Variants in PHF3 observed in about 807,000 individuals in gnomAD.
The protein encoded by PHF3 is PHD finger protein 3.
In PHF3, 41 loss-of-function variants were observed where a neutral mutation model predicts 178.4. The ratio of observed to expected loss-of-function variants is 0.23; its 90% CI spans 0.18 to 0.30. PHF3 has a LOEUF of 0.30. PHF3 is among the 10% of genes least tolerant of loss of function. The pLI is 1.00. For synonymous variants in PHF3, 842 were observed against 800.5 expected (o/e 1.05, Z -0.88); for missense variants, 2,346 against 2,398.1 (o/e 0.98, Z 0.45).
rs1159857170 is a variant in PHF3 at position 63,712,941 on chromosome 6, A to G, written c.5353A>G (p.Arg1785Gly). Residue 1785 changes from arginine to glycine, a missense_variant, in exon 16 of 16, where the codon AGA becomes GGA. This residue lies in a region of PHF3 where 839 missense variants were observed against 806.9 expected (regional missense o/e 1.04). Transcript: ENST00000262043. ...FPSKSITFTS[R>G]STSPRTSTNF... Reference sequence around the variant, plus strand: ...TTCTAAAAGCATCACCTTTACTTCCAGAAGCACCAGCCCCAGAACAAGTAC... The same window carrying G: ...TTCTAAAAGCATCACCTTTACTTCCGGAAGCACCAGCCCCAGAACAAGTAC... The G allele has an allele frequency of 6.2e-7, 1 of 1,613,934 alleles. No homozygotes were observed. The highest frequency in any genetic ancestry group is 8.5e-7 in the Non-Finnish European group (1 of 1,179,986).
intron 2 of PHF3, among the ~76,000 whole-genome samples, chr6:63,652,394 T>TTTG (rs915200395): frequency 2.4e-4 from 36 of 152,158 alleles, no homozygotes; most frequent in African/African-American, 8.4e-4. Flanking sequence ...GGATTGCTTT[T>TTTG]TTGTTGTTGT....
chr6:63,658,960 T>A (rs180717145), intron 2 of PHF3, among the ~76,000 whole-genome samples: 210 of 152,244 alleles, frequency 1.4e-3, no homozygotes, highest in African/African-American at 4.6e-3. Flanking sequence ...CATTTTTGTC[T>A]CTGAAGACCT....
intron 8 of PHF3, among the ~76,000 whole-genome samples, chr6:63,699,386 G>A (rs946442608): frequency 1.3e-5 from 2 of 152,142 alleles, no homozygotes; most frequent in African/African-American, 2.4e-5. Flanking sequence ...CAACCTTTTT[G>A]CATAAAAGGT....
intron 2 of PHF3, among the ~76,000 whole-genome samples, chr6:63,678,583 CT>C (rs879702087): frequency 1.0e-3 from 149 of 144,656 alleles, no homozygotes; most frequent in East Asian, 1.2e-3. Flanking sequence ...TTCTGCCAAT[CT>C]TTTTTTTTTT....
chr6:63,636,233 G>GGGCCTCTCCGCCCCTCCCGCGGC (rs1764324835), intron 1 of PHF3, 83 bp downstream of exon 1: 1 of 316,922 alleles, frequency 3.2e-6, no homozygotes, highest in Non-Finnish European at 5.7e-6. Context: ...GCGCCTCCGC[G>GGGCCTCTCCGCCCCTCCCGCGGC]GGCCTCTCCG....
At chr6:63,670,393 C>A (rs1765863477) in intron 2 of PHF3, among the ~76,000 whole-genome samples, 1 of 152,148 alleles carries the variant, frequency 6.6e-6, no homozygotes, top group Non-Finnish European at 1.5e-5. Context: ...CTCAACCTCC[C>A]AAGTAGCTGG....
intron 2 of PHF3, among the ~76,000 whole-genome samples, chr6:63,673,409 A>G (rs896927515): frequency 1.3e-5 from 2 of 152,092 alleles, no homozygotes; most frequent in Non-Finnish European, 2.9e-5. Flanking sequence ...CAGGATAACC[A>G]TAGGAGAAAA....
chr6:63,664,645 A>G (rs974498177), intron 2 of PHF3, among the ~76,000 whole-genome samples: 1 of 152,136 alleles, frequency 6.6e-6, no homozygotes, highest in Non-Finnish European at 1.5e-5. Context: ...ATTATTAACT[A>G]AAATTATTAG....
chr6:63,685,928 G>T lies in PHF3; in HGVS notation c.2189+17G>T. On this transcript the variant is annotated intron_variant, in intron 4 of 15. Transcript: ENST00000262043. ...TGGCAACAGGTGTGTGTGTATGTGT[G>T]TATGAGTGATGTGTACATTGAAAAT... 1 of 1,558,710 alleles carries T rather than the reference G, an allele frequency of 6.4e-7. No homozygotes were observed.
At chr6:63,673,286 A>G (rs1390014191) in intron 2 of PHF3, among the ~76,000 whole-genome samples, 1 of 152,110 alleles carries the variant, frequency 6.6e-6, no homozygotes, top group African/African-American at 2.4e-5. Flanking sequence ...CTGCTTAAGT[A>G]TTTTTTGTTT....
At chr6:63,702,145 ATAGTTCC>A in intron 9 of PHF3, 1 of 156,008 alleles carries the variant, frequency 6.4e-6, no homozygotes, top group East Asian at 1.9e-4. Flanking sequence ...TAAGAGCAAA[ATAGTTCC>A]TATTTCCCTG....
Position 63,712,515 on chromosome 6 carries a change from C to G in PHF3, c.4927C>G (p.Pro1643Ala), listed in dbSNP as rs1767993277. 1.2e-6 allele frequency: 2 copies of G among 1,613,618 alleles called. No homozygotes were observed. Among genetic ancestry groups the G allele is most frequent in the African/African-American group, 2.7e-5 (2 of 74,836 alleles). Residue 1643 changes from proline (P) to alanine (A), a missense_variant, in exon 16 of 16, where the codon CCA becomes GCA. This residue lies in a region of PHF3 where 839 missense variants were observed against 806.9 expected (regional missense o/e 1.04). Transcript: ENST00000262043. ...CCTTGTTGCTAATACAGCGAGGTCTCCACAGTTTATCAACCTGAAAAGGGA... is the reference window on the plus strand; with the variant it reads ...CCTTGTTGCTAATACAGCGAGGTCTGCACAGTTTATCAACCTGAAAAGGGA... The part of the protein sequence containing the change: ...ENLVANTARS[P>A]QFINLKRDPR...
chr6:63,684,683 G>A lies in PHF3; in HGVS notation c.961G>A (p.Asp321Asn). The A allele has an allele frequency of 3.1e-6, 5 of 1,613,720 alleles. No homozygotes were observed. The highest frequency in any genetic ancestry group is 4.2e-6 in the Non-Finnish European group (5 of 1,179,836). The change falls in exon 4 of 16, where the codon GAT becomes AAT. Residue 321 changes from aspartate (D) to asparagine (N), a missense_variant. Asp to Asn is a conservative substitution (Grantham distance 23, BLOSUM62 1). Coordinates refer to ENST00000262043, the MANE Select transcript of PHF3 (RefSeq NM_001370348.2). ...EMIATRKVEQ[D>N]SKETVKLSHE... ...GATAGCAACAAGAAAAGTTGAACAA[G>A]ATTCAAAGGAGACAGTAAAATTATC...
intron 2 of PHF3, among the ~76,000 whole-genome samples, chr6:63,653,994 G>T (rs969493993): frequency 2.0e-5 from 3 of 152,128 alleles, no homozygotes; most frequent in Non-Finnish European, 4.4e-5. Flanking sequence ...CTTGATTGTG[G>T]TGAGTGATCT....
chr6:63,684,050 T>C, intron 3 of PHF3, 79 bp from the exon 4 acceptor site: 1 of 1,096,384 alleles, frequency 9.1e-7, no homozygotes, highest in Non-Finnish European at 1.3e-6. Context: ...AAAGAAGTGA[T>C]ATATTCTAAA....
chr6:63,682,930 T>TG (rs1766502481), intron 3 of PHF3, among the ~76,000 whole-genome samples: 1 of 152,088 alleles, frequency 6.6e-6, no homozygotes, highest in Non-Finnish European at 1.5e-5. Context: ...GAGCTGTAAA[T>TG]TACTATAATC....
Position 63,722,773 on chromosome 6 carries a change from T to C in PHF3, c.*9065T>C, listed in dbSNP as rs1039037606. 6.6e-6 allele frequency among the ~76,000 whole-genome samples: 1 copy of C among 152,176 alleles called. No individual in the cohort carries two copies. Among genetic ancestry groups the C allele is most frequent in the African/African-American group, 2.4e-5 (1 of 41,456 alleles). ...TATTTCCACACCTCCCTCCTGCAAA[T>C]GGTGTTCTTTCCTTCTATTCTCCAT... is the stretch of plus-strand genomic sequence containing the variant. On this transcript the variant is annotated 3_prime_UTR_variant, in exon 16 of 16. Coordinates refer to ENST00000262043, the MANE Select transcript of PHF3 (RefSeq NM_001370348.2).
Position 63,713,453 on chromosome 6 carries a change from G to GGACAGA in PHF3, c.5872_5877dup (p.Asp1958_Arg1959dup), listed in dbSNP as rs1768059565. ...GACGCAGAGACAGAAGCCAAGACAAGGACAGAGACAGAAAAAGCAGGGAGG... is the reference window on the plus strand; with the variant it reads ...GACGCAGAGACAGAAGCCAAGACAAGGACAGAGACAGAGACAGAAAAAGCAGGGAGG... On this transcript the variant is annotated inframe_insertion, in exon 16 of 16. Coordinates refer to ENST00000262043, the MANE Select transcript of PHF3 (RefSeq NM_001370348.2). The GGACAGA allele has an allele frequency of 3.7e-6, 6 of 1,613,790 alleles. No homozygotes were observed. In the East Asian group the frequency reaches 1.3e-4, roughly 36 times the overall value.
chr6:63,685,332 C>T lies in PHF3; in HGVS notation c.1610C>T (p.Ser537Phe). The T allele has an allele frequency of 6.2e-7, 1 of 1,613,960 alleles. No individual in the cohort carries two copies. The highest frequency in any genetic ancestry group is 8.5e-7 in the Non-Finnish European group (1 of 1,179,978). Residue 537 changes from serine (S) to phenylalanine (F), a missense_variant, in exon 4 of 16, where the codon TCT (serine) becomes TTT (phenylalanine). Transcript: ENST00000262043. Reference sequence around the variant, plus strand: ...AAACGAAATACTGATGTACCAGAATCTCAGCAAAATTTTCATAGGCCAGTC... The same window carrying T: ...AAACGAAATACTGATGTACCAGAATTTCAGCAAAATTTTCATAGGCCAGTC... ...SVKRNTDVPE[S>F]QQNFHRPVKV...
Sources: gnomAD v4.1 joint callset for allele counts (sites outside exome capture counted in the v4.1 genomes callset) on GRCh38, gnomAD v4.1.1 for gene constraint, gnomAD v4.1.1 regional missense constraint, MANE v1.5 for transcripts, NCBI Gene and HGNC (gene_info 2026-07-23, HGNC 2026-07-21) for gene names.